Variants in B4GALT5 observed in about 807,000 individuals in gnomAD.
B4GALT5 encodes UDP-Gal:beta-GlcNAc beta-1,4-galactosyltransferase 5.
In B4GALT5, 11 loss-of-function variants were observed where a neutral mutation model predicts 45.0. The ratio of observed to expected loss-of-function variants is 0.24; its 90% CI spans 0.15 to 0.40. The LOEUF (loss-of-function observed/expected upper bound fraction) is 0.40, where lower values mean the gene tolerates loss of function less well. Ranked by LOEUF, B4GALT5 falls within the 10% of genes least tolerant of loss-of-function variation. The probability of loss-of-function intolerance (pLI) is 1.00; values close to 1 mark genes in which losing one functional copy is unlikely to be tolerated. For missense variants in B4GALT5, 337 were observed against 500.2 expected, an observed-to-expected ratio of 0.67 and a Z score of 3.11; for synonymous variants, 185 against 182.9, an observed-to-expected ratio of 1.01 and a Z score of -0.09.
At chr20:49,660,579 A>G (rs1369572449) in intron 1 of B4GALT5, among the ~76,000 whole-genome samples, 2 of 152,246 alleles carry the variant, frequency 1.3e-5, no homozygotes, top group Admixed American at 1.3e-4. Context: ...GCTTGCTAGA[A>G]GCAAAATCCC....
chr20:49,668,582 T>C (rs756331330), intron 1 of B4GALT5, among the ~76,000 whole-genome samples: 3 of 54,854 alleles, frequency 5.5e-5, no homozygotes, highest in Non-Finnish European at 1.0e-4. Context: ...AAAACAACCC[T>C]GCGGAGAATG....
At chr20:49,694,391 C>T (rs1373035645) in intron 1 of B4GALT5, among the ~76,000 whole-genome samples, 1 of 152,114 alleles carries the variant, frequency 6.6e-6, no homozygotes. Context: ...GTGGCTCACA[C>T]ATGTAACCCC....
chr20:49,665,061 A>G (rs1431370797), intron 1 of B4GALT5, among the ~76,000 whole-genome samples: 2 of 152,206 alleles, frequency 1.3e-5, no homozygotes, highest in African/African-American at 4.8e-5. Context: ...AGCTTTCTCC[A>G]AAAGGGGAAA....
At chr20:49,654,645 G>A (rs528381055) in intron 2 of B4GALT5, among the ~76,000 whole-genome samples, 15 of 152,266 alleles carry the variant, frequency 9.9e-5, no homozygotes, top group African/African-American at 2.2e-4. Context: ...TTTTCTAAGC[G>A]CCACAGAATA....
chr20:49,678,196 C>T (rs79644757), intron 1 of B4GALT5, among the ~76,000 whole-genome samples: 2,286 of 152,326 alleles, frequency 0.015, 56 homozygotes, highest in African/African-American at 0.052. Flanking sequence ...TGATCTCACC[C>T]CTCCTGATAT....
intron 1 of B4GALT5, among the ~76,000 whole-genome samples, chr20:49,693,189 T>G (rs185755119): frequency 3.9e-5 from 6 of 152,214 alleles, no homozygotes; most frequent in African/African-American, 1.4e-4. Flanking sequence ...CCCATACTTA[T>G]GCAACATATG....
chr20:49,639,547 A>G lies in B4GALT5; in HGVS notation c.917+131T>C, dbSNP rs1601244880. On this transcript the variant is annotated intron_variant, in intron 7 of 8. Coordinates refer to ENST00000371711, the MANE Select transcript of B4GALT5 (RefSeq NM_004776.4). ...GCTGGTCAATTTCATTTTTTTCCTT[A>G]ACCTTTTAAACTGTAGCTACTAGAA... is the stretch of plus-strand genomic sequence containing the variant. The G allele has an allele frequency of 2.9e-6, 4 of 1,368,228 alleles. No homozygotes were observed. In the South Asian group the frequency reaches 5.7e-5, roughly 20 times the overall value. 84.8% of individuals were successfully genotyped at this position (1,368,228 alleles called of 1,614,324 possible). A position where few individuals can be genotyped will look rare whatever the true frequency, so the allele number is the denominator to read the frequency against.
At chr20:49,677,071 G>T (rs781664024) in intron 1 of B4GALT5, among the ~76,000 whole-genome samples, 1 of 152,038 alleles carries the variant, frequency 6.6e-6, no homozygotes, top group African/African-American at 2.4e-5. Flanking sequence ...TTTGTTCTAG[G>T]GGGTATTTCT....
intron 1 of B4GALT5, among the ~76,000 whole-genome samples, chr20:49,700,616 A>G: frequency 6.6e-6 from 1 of 152,236 alleles, no homozygotes; most frequent in East Asian, 1.9e-4. Context: ...TTAAAATTCA[A>G]AAGTATTACA....
rs1168432090 is a variant in B4GALT5 at position 49,697,689 on chromosome 20, A to C, written c.115+15887T>G. The stretch of plus-strand genomic sequence containing the variant: ...GCTTTAAAAATCCAGGTTATGAATT[A>C]GCCTAAACCTGTGCTTATGTTCCAT... On this transcript the variant is annotated intron_variant, in intron 1 of 8. Transcript: ENST00000371711. 2.6e-5 allele frequency among the ~76,000 whole-genome samples: 4 copies of C among 152,204 alleles called. No homozygotes were observed. In the East Asian group the frequency reaches 7.7e-4, roughly 29 times the overall value.
chr20:49,699,973 G>A (rs891890281), intron 1 of B4GALT5, among the ~76,000 whole-genome samples: 3 of 152,184 alleles, frequency 2.0e-5, no homozygotes, highest in Non-Finnish European at 4.4e-5. Context: ...CACTGAGCTA[G>A]ATGAATGCAT....
At chr20:49,651,522 G>A (rs966298903) in intron 2 of B4GALT5, among the ~76,000 whole-genome samples, 6 of 151,930 alleles carry the variant, frequency 3.9e-5, no homozygotes, top group African/African-American at 1.5e-4. Flanking sequence ...CTGGGAGGCA[G>A]AGGTTGCAGC....
At chr20:49,647,186 A>T in intron 2 of B4GALT5, 108 bp from the exon 3 acceptor site, 1 of 682,392 alleles carries the variant, frequency 1.5e-6, no homozygotes, top group Admixed American at 2.5e-5. Flanking sequence ...TCTTGGTAGA[A>T]GGAGACAGGA....
chr20:49,643,922 CTTTTTTTTTTTTT>C (rs138727530), intron 3 of B4GALT5, among the ~76,000 whole-genome samples: 10 of 52,184 alleles, frequency 1.9e-4, no homozygotes, highest in African/African-American at 6.8e-4. Flanking sequence ...AGTAGCTGAG[CTTTTTTTTTTTTT>C]TTTTTTTTTT....
At chr20:49,678,232 T>C (rs539211667) in intron 1 of B4GALT5, among the ~76,000 whole-genome samples, 1 of 152,356 alleles carries the variant, frequency 6.6e-6, no homozygotes, top group Admixed American at 6.5e-5. Flanking sequence ...CCTAGAGTCC[T>C]GGGCTAAACT....
At chr20:49,709,688 G>T (rs1282599640) in intron 1 of B4GALT5, among the ~76,000 whole-genome samples, 2 of 151,492 alleles carry the variant, frequency 1.3e-5, no homozygotes, top group Non-Finnish European at 2.9e-5. Flanking sequence ...AGAATCCTTT[G>T]AACCTGGGGG....
intron 1 of B4GALT5, among the ~76,000 whole-genome samples, chr20:49,674,699 A>G (rs1002361243): frequency 4.6e-5 from 7 of 151,954 alleles, no homozygotes; most frequent in Non-Finnish European, 7.4e-5. Context: ...TAAAAAAAAA[A>G]AAGAAGAAGA....
At chr20:49,664,588 T>C (rs949821524) in intron 1 of B4GALT5, among the ~76,000 whole-genome samples, 11 of 152,156 alleles carry the variant, frequency 7.2e-5, no homozygotes, top group Non-Finnish European at 1.2e-4. Context: ...ACATGAACTT[T>C]GACTAAATTC....
chr20:49,652,444 A>G (rs1026761526), intron 2 of B4GALT5, among the ~76,000 whole-genome samples: 1 of 151,988 alleles, frequency 6.6e-6, no homozygotes, highest in East Asian at 1.9e-4. Context: ...AATATAAAGA[A>G]TTAGCATTCT....
Sources: gnomAD v4.1 joint callset for allele counts (sites outside exome capture counted in the v4.1 genomes callset) on GRCh38, gnomAD v4.1.1 for gene constraint, MANE v1.5 for transcripts, NCBI Gene and HGNC (gene_info 2026-07-23, HGNC 2026-07-21) for gene names.